Variants in NCOA1 observed in about 807,000 individuals in gnomAD.
NCOA1 encodes Hin-2 protein.
Under a neutral mutation model 150.9 loss-of-function variants are expected in NCOA1, and 35 were observed. That is an observed-to-expected ratio of 0.23 (90% confidence interval 0.18 to 0.31). The LOEUF is 0.31. Ranked by LOEUF, NCOA1 falls within the 10% of genes least tolerant of loss-of-function variation. The probability of loss-of-function intolerance (pLI) is 1.00; values close to 1 mark genes in which losing one functional copy is unlikely to be tolerated. For missense variants in NCOA1, 1,491 were observed against 1,749.3 expected, an observed-to-expected ratio of 0.85 and a Z score of 2.63; for synonymous variants, 590 against 630.0, an observed-to-expected ratio of 0.94 and a Z score of 0.95.
intron 1 of NCOA1, among the ~76,000 whole-genome samples, chr2:24,517,836 A>G (rs1207328988): frequency 6.6e-6 from 1 of 152,204 alleles, no homozygotes; most frequent in African/African-American, 2.4e-5. Flanking sequence ...ATTTACAACT[A>G]GGAAGGGAAT....
chr2:24,542,524 A>G (rs983834703), intron 1 of NCOA1, among the ~76,000 whole-genome samples: 6 of 152,238 alleles, frequency 3.9e-5, no homozygotes, highest in South Asian at 2.1e-4. Context: ...TATAAAATAT[A>G]ACAATAATTT....
chr2:24,650,869 T>C (rs1670681531), intron 4 of NCOA1, among the ~76,000 whole-genome samples: 1 of 152,152 alleles, frequency 6.6e-6, no homozygotes, highest in Non-Finnish European at 1.5e-5. Context: ...TTATGGATTT[T>C]AGAATATTTG....
chr2:24,678,390 T>C (rs1453804532), intron 7 of NCOA1, among the ~76,000 whole-genome samples: 4 of 152,214 alleles, frequency 2.6e-5, no homozygotes, highest in Non-Finnish European at 5.9e-5. Flanking sequence ...TTATGTCTCT[T>C]TGGATATATA....
At chr2:24,644,598 C>T (rs1670377553) in intron 4 of NCOA1, among the ~76,000 whole-genome samples, 1 of 151,812 alleles carries the variant, frequency 6.6e-6, no homozygotes, top group Admixed American at 6.6e-5. Flanking sequence ...TACATTGTTG[C>T]TGTTTGAGTT....
intron 21 of NCOA1, 34 bp downstream of exon 21, chr2:24,758,190 C>G (rs752908676): frequency 2.6e-6 from 4 of 1,561,330 alleles, no homozygotes; most frequent in Non-Finnish European, 3.5e-6. Flanking sequence ...CATGCCACAC[C>G]ACATCACAGT....
intron 18 of NCOA1, 40 bp from the exon 19 acceptor site, chr2:24,741,744 T>C: frequency 6.4e-7 from 1 of 1,565,616 alleles, no homozygotes; most frequent in Non-Finnish European, 8.6e-7. Context: ...AGATAGTGAT[T>C]ATAATAATTT....
intron 3 of NCOA1, among the ~76,000 whole-genome samples, chr2:24,604,211 G>A (rs1668254883): frequency 6.6e-6 from 1 of 152,134 alleles, no homozygotes; most frequent in Non-Finnish European, 1.5e-5. Flanking sequence ...TGTTGTTATA[G>A]CACACAGGCC....
intron 19 of NCOA1, among the ~76,000 whole-genome samples, chr2:24,748,032 G>GATGCTT (rs1423211614): frequency 1.3e-5 from 2 of 151,936 alleles, no homozygotes; most frequent in Non-Finnish European, 2.9e-5. Flanking sequence ...CTTGAACCCA[G>GATGCTT]GAGGCGGAGG....
intron 4 of NCOA1, among the ~76,000 whole-genome samples, chr2:24,650,058 T>C (rs965182977): frequency 6.6e-6 from 1 of 152,218 alleles, no homozygotes; most frequent in Non-Finnish European, 1.5e-5. Flanking sequence ...TAAGAATTCA[T>C]TGATTGCTTT....
intron 1 of NCOA1, among the ~76,000 whole-genome samples, chr2:24,529,261 A>C (rs184989062): frequency 1.7e-3 from 265 of 152,360 alleles, no homozygotes; most frequent in Middle Eastern, 3.4e-3. Context: ...CTGAGCACTG[A>C]GGCAGACCAC....
intron 17 of NCOA1, among the ~76,000 whole-genome samples, chr2:24,734,744 G>T (rs1282336958): frequency 6.6e-6 from 1 of 152,116 alleles, no homozygotes; most frequent in African/African-American, 2.4e-5. Flanking sequence ...GTTCAAGGCT[G>T]CAGTGAGCTA....
Position 24,707,640 on chromosome 2 carries a change from C to G in NCOA1, c.2170C>G (p.Gln724Glu). Reference sequence around the variant, plus strand: ...ATCTACTTCTGTGTCAGTGACTGGACAGGTACAAGGAAACTCCAGTATAAA... The same window carrying G: ...ATCTACTTCTGTGTCAGTGACTGGAGAGGTACAAGGAAACTCCAGTATAAA... ...SASTSVSVTGQVQGNSSIKLE... is the reference protein window; with the variant it reads ...SASTSVSVTGEVQGNSSIKLE... The change falls in exon 13 of 23, where the codon CAG (glutamine) becomes GAG (glutamate). Residue 724 changes from glutamine to glutamate, a missense_variant. This residue lies in a region of NCOA1 where 703 missense variants were observed against 717.7 expected (regional missense o/e 0.98). Transcript: ENST00000348332. 1 of 1,614,152 alleles carries G rather than the reference C, an allele frequency of 6.2e-7. No individual in the cohort carries two copies. Among genetic ancestry groups the G allele is most frequent in the South Asian group, 1.1e-5 (1 of 91,084 alleles).
intron 9 of NCOA1, 147 bp from the exon 10 acceptor site, chr2:24,693,105 C>T (rs947594479): frequency 1.9e-5 from 13 of 685,880 alleles, no homozygotes; most frequent in East Asian, 5.5e-5. Flanking sequence ...CCACCCACCT[C>T]GGCCTCCCAA....
chr2:24,659,557 A>G (rs934575765), intron 5 of NCOA1, among the ~76,000 whole-genome samples: 1 of 152,202 alleles, frequency 6.6e-6, no homozygotes, highest in Admixed American at 6.5e-5. Context: ...TGAATATACC[A>G]CATTTGAAAA....
At chr2:24,671,761 A>G (rs1671694770) in intron 6 of NCOA1, among the ~76,000 whole-genome samples, 5 of 152,080 alleles carry the variant, frequency 3.3e-5, no homozygotes, top group Non-Finnish European at 5.9e-5. Context: ...GGATTTCACC[A>G]TGTTGGCCAG....
chr2:24,762,810 A>G (rs773167830), intron 22 of NCOA1, 34 bp downstream of exon 22: 3 of 1,562,564 alleles, frequency 1.9e-6, no homozygotes, highest in South Asian at 2.2e-5. Context: ...AGAGCTGTCA[A>G]ATGTACTCTA....
At chr2:24,544,034 G>C (rs1356892160) in intron 1 of NCOA1, among the ~76,000 whole-genome samples, 1 of 152,108 alleles carries the variant, frequency 6.6e-6, no homozygotes, top group Non-Finnish European at 1.5e-5. Flanking sequence ...TGTTAGATTG[G>C]CTACAGTAGG....
intron 10 of NCOA1, among the ~76,000 whole-genome samples, chr2:24,694,829 T>G (rs1370423636): frequency 1.3e-5 from 2 of 151,820 alleles, no homozygotes; most frequent in East Asian, 3.9e-4. Context: ...TTTTTAAAAT[T>G]TTTTTTTAAT....
chr2:24,684,368 T>C (rs1256259023), intron 8 of NCOA1, among the ~76,000 whole-genome samples: 2 of 152,240 alleles, frequency 1.3e-5, no homozygotes, highest in African/African-American at 4.8e-5. Flanking sequence ...AAGGATGAGC[T>C]GTTTTCTGAC....
Sources: gnomAD v4.1 joint callset for allele counts (sites outside exome capture counted in the v4.1 genomes callset) on GRCh38, gnomAD v4.1.1 for gene constraint, gnomAD v4.1.1 regional missense constraint, MANE v1.5 for transcripts, NCBI Gene and HGNC (gene_info 2026-07-23, HGNC 2026-07-21) for gene names.